Variants in AAK1 observed in about 807,000 individuals in gnomAD.
The protein encoded by AAK1 is AP2-associated protein kinase 1.
A neutral mutation model predicts 116.0 loss-of-function variants in AAK1; 37 were observed. That is an observed-to-expected ratio of 0.32 (90% CI 0.25 to 0.42). The LOEUF (loss-of-function observed/expected upper bound fraction) is 0.42. Ranked by LOEUF, AAK1 falls within the 10% of genes least tolerant of loss-of-function variation. The pLI is 1.00. For synonymous variants in AAK1, 458 were observed against 439.9 expected, an observed-to-expected ratio of 1.04 and a Z score of -0.51; for missense variants, 919 against 1,170.6, an observed-to-expected ratio of 0.79 and a Z score of 3.14.
intron 16 of AAK1, among the ~76,000 whole-genome samples, chr2:69,503,999 A>T (rs200888233): frequency 5.6e-5 from 2 of 35,782 alleles, no homozygotes; most frequent in African/African-American, 1.3e-4. Context: ...AATTCCGTCT[A>T]AAAAAAAAAA....
At chr2:69,515,750 G>A (rs72895314) in intron 12 of AAK1, among the ~76,000 whole-genome samples, 5,458 of 151,904 alleles carry the variant, frequency 0.036, 322 homozygotes, top group African/African-American at 0.12. Context: ...TGAACATCCC[G>A]TATACTTTAC....
At chr2:69,566,186 T>C (rs138639166) in intron 2 of AAK1, among the ~76,000 whole-genome samples, 99 of 152,294 alleles carry the variant, frequency 6.5e-4, no homozygotes, top group African/African-American at 1.7e-3. Context: ...ACAACTTACA[T>C]TGAAGACAAC....
intron 13 of AAK1, among the ~76,000 whole-genome samples, chr2:69,509,922 A>G (rs537100142): frequency 2.0e-5 from 3 of 152,318 alleles, no homozygotes; most frequent in Admixed American, 2.0e-4. Flanking sequence ...AGCGAAACAC[A>G]TTTAAGCTGA....
At chr2:69,637,749 A>G (rs1675511911) in intron 2 of AAK1, among the ~76,000 whole-genome samples, 1 of 152,106 alleles carries the variant, frequency 6.6e-6, no homozygotes, top group Non-Finnish European at 1.5e-5. Flanking sequence ...AGTTAAAATG[A>G]CGGCTCTGAT....
chr2:69,485,093 T>C (rs1293120813), intron 17 of AAK1, among the ~76,000 whole-genome samples: 4 of 152,180 alleles, frequency 2.6e-5, no homozygotes. Flanking sequence ...CTAAAAAGTC[T>C]AACTTTGCAT....
intron 2 of AAK1, among the ~76,000 whole-genome samples, chr2:69,561,970 T>C (rs1472863675): frequency 2.6e-5 from 4 of 152,238 alleles, no homozygotes; most frequent in African/African-American, 9.6e-5. Context: ...ACAATTAGTT[T>C]CTTCATTCAC....
At chr2:69,625,053 A>T (rs1166158425) in intron 2 of AAK1, among the ~76,000 whole-genome samples, 3 of 152,254 alleles carry the variant, frequency 2.0e-5, no homozygotes, top group African/African-American at 7.2e-5. Context: ...GTAAGCCGTT[A>T]TCTCTTCCAA....
intron 2 of AAK1, among the ~76,000 whole-genome samples, chr2:69,604,530 G>T (rs549454997): frequency 6.6e-6 from 1 of 152,206 alleles, no homozygotes; most frequent in Admixed American, 6.5e-5. Context: ...TAGTATCAGT[G>T]GACAAAATCC....
At position 69,611,482 on chromosome 2, in the gene AAK1, C is replaced by T. The variant is rs534484951; in HGVS notation, c.163+31396G>A. On this transcript the variant is annotated intron_variant, in intron 2 of 21. Transcript: ENST00000409085. ...ACATGGTTTAGAGTTGGTTTTGAGG[C>T]TTTCGGGCTTGGACTGAGCCACTAA... Among the ~76,000 whole-genome samples the T allele has an allele frequency of 6.6e-5, 10 of 152,330 alleles. No individual in the cohort carries two copies. In the South Asian group the frequency reaches 1.7e-3, roughly 25 times the overall value.
intron 5 of AAK1, among the ~76,000 whole-genome samples, chr2:69,539,248 A>G (rs775537871): frequency 7.9e-5 from 12 of 152,264 alleles, no homozygotes; most frequent in Non-Finnish European, 1.8e-4. Flanking sequence ...CACAGGGGGA[A>G]TAAGACAGGG....
chr2:69,514,697 A>G lies in AAK1; in HGVS notation c.1550T>C (p.Val517Ala), dbSNP rs1366359486. 6.2e-7 allele frequency: 1 copy of G among 1,613,140 alleles called. No individual in the cohort carries two copies. ...TQKPAIAQFP[V>A]VSQGGSQQQL... ...CTGTTGAGAGCCTCCTTGGGACACC[A>G]CAGGGAACTGAGCAATTGCTGGTTT... Residue 517 changes from valine to alanine, a missense_variant, in exon 13 of 22, where the codon GTG becomes GCG. Transcript: ENST00000409085.
chr2:69,530,974 C>G (rs912566668), intron 6 of AAK1, among the ~76,000 whole-genome samples: 1 of 152,166 alleles, frequency 6.6e-6, no homozygotes, highest in African/African-American at 2.4e-5. Context: ...CTAAAAGCAA[C>G]TTTTCTTGGG....
intron 2 of AAK1, among the ~76,000 whole-genome samples, chr2:69,625,562 G>A (rs908299835): frequency 2.0e-5 from 3 of 152,134 alleles, no homozygotes; most frequent in Non-Finnish European, 4.4e-5. Flanking sequence ...CCTGGTGGAC[G>A]GAACTGGGAA....
chr2:69,577,043 C>T (rs1672343586), intron 2 of AAK1, among the ~76,000 whole-genome samples: 1 of 152,196 alleles, frequency 6.6e-6, no homozygotes, highest in Admixed American at 6.5e-5. Context: ...TTCAGCTCTG[C>T]GCCAAGCACT....
At chr2:69,499,468 C>T (rs1372747638) in intron 16 of AAK1, among the ~76,000 whole-genome samples, 2 of 152,170 alleles carry the variant, frequency 1.3e-5, no homozygotes, top group Non-Finnish European at 2.9e-5. Context: ...ACTTGATTCT[C>T]CGTATAGATT....
intron 16 of AAK1, among the ~76,000 whole-genome samples, chr2:69,499,455 G>A (rs971644052): frequency 5.3e-5 from 8 of 152,024 alleles, no homozygotes; most frequent in East Asian, 1.9e-4. Flanking sequence ...ATAGTTCTTC[G>A]CAACTTGATT....
chr2:69,518,934 C>A lies in AAK1; in HGVS notation c.1497+20G>T. On this transcript the variant is annotated intron_variant, in intron 12 of 21. Transcript: ENST00000409085. ...CATGACTCAGATATGCAAGCAAGGG[C>A]CACACTCTGACCACCTTACCTGCTG... is the stretch of plus-strand genomic sequence containing the variant. 1.3e-6 allele frequency: 2 copies of A among 1,524,078 alleles called. No homozygotes were observed. Among genetic ancestry groups the A allele is most frequent in the Non-Finnish European group, 1.8e-6 (2 of 1,132,604 alleles). 94.4% of individuals were successfully genotyped at this position (1,524,078 alleles called of 1,614,324 possible).
chr2:69,472,677 T>C lies in AAK1; in HGVS notation c.*3192A>G. ...TGTAAAGGGAAAAATCAATTTGTCA[T>C]GTTTTCTGCTATAGTTACTCCTCTT... On this transcript the variant is annotated 3_prime_UTR_variant, in exon 22 of 22. Transcript: ENST00000409085. 1.0e-6 allele frequency: 1 copy of C among 985,438 alleles called. No homozygotes were observed. Among genetic ancestry groups the C allele is most frequent in the Non-Finnish European group, 1.2e-6 (1 of 829,910 alleles). The allele number at this position is 985,438 out of a possible 1,614,324, so 61.0% of individuals were successfully genotyped here. A position where few individuals can be genotyped will look rare whatever the true frequency, so the allele number is the denominator to read the frequency against.
At chr2:69,599,458 C>A (rs1357280911) in intron 2 of AAK1, among the ~76,000 whole-genome samples, 1 of 150,534 alleles carries the variant, frequency 6.6e-6, no homozygotes, top group Non-Finnish European at 1.5e-5. Flanking sequence ...GAAGATCCTT[C>A]ACGATGTTGC....
Sources: allele counts gnomAD v4.1 joint callset (sites outside exome capture counted in the v4.1 genomes callset), GRCh38; gene constraint gnomAD v4.1.1; transcripts MANE v1.5; gene names NCBI Gene and HGNC (gene_info 2026-07-23, HGNC 2026-07-21).